Variants in B3GNT4 observed in about 807,000 individuals in gnomAD.
B3GNT4 encodes the protein N-acetyllactosaminide beta-1,3-N-acetylglucosaminyltransferase 4.
B3GNT4 carries 2 observed loss-of-function variants against 2.7 expected under a neutral mutation model. That is an observed-to-expected ratio of 0.73 (90% CI 0.30 to 2.31). B3GNT4 has a LOEUF of 2.31. B3GNT4 is among the 30% of genes most tolerant of loss of function. The pLI is 0.12. For missense variants in B3GNT4, 708 were observed against 490.9 expected, an observed-to-expected ratio of 1.44 and a Z score of -4.18; for synonymous variants, 280 against 203.4, an observed-to-expected ratio of 1.38 and a Z score of -3.20.
chr12:122,204,407 C>T lies in B3GNT4; in HGVS notation c.-97-115C>T, dbSNP rs926008475. ...GGGGACGCCCGCGGCGGGACAGGGG[C>T]CACCCGGGCCGCGGCGCAGCCTGGG... On this transcript the variant is annotated intron_variant, in intron 1 of 2. Transcript: ENST00000324189. The T allele has an allele frequency of 2.5e-4, 131 of 527,084 alleles. No individual in the cohort carries two copies. In the African/African-American group the frequency reaches 2.5e-3, roughly 10 times the overall value. The allele number at this position is 527,084 out of a possible 1,614,324, so 32.7% of individuals were successfully genotyped here.
Position 122,207,129 on chromosome 12 carries a change from C to G in B3GNT4, c.878C>G (p.Ala293Gly). ...AGAGCCACAGTGCGGCGCCTCCAGGCTATCATGGAAGATGCTGAACTCTTC... is the reference window on the plus strand; with the variant it reads ...AGAGCCACAGTGCGGCGCCTCCAGGGTATCATGGAAGATGCTGAACTCTTC... ...MSRATVRRLQ[A>G]IMEDAELFPI... Residue 293 changes from alanine (A) to glycine (G), a missense_variant, in exon 3 of 3, where the codon GCT (alanine) becomes GGT (glycine). By Grantham distance (60) the Ala-to-Gly change is moderately conservative. Transcript: ENST00000324189. 1.9e-6 allele frequency: 3 copies of G among 1,614,150 alleles called. No homozygotes were observed. The highest frequency in any genetic ancestry group is 2.2e-5 in the East Asian group (1 of 44,886).
In B3GNT4 at chr12:122,208,134, G is replaced by C. The variant is rs1458598036; in HGVS notation, c.*746G>C. 11 of 681,502 alleles carry C rather than the reference G, an allele frequency of 1.6e-5. No homozygotes were observed. Among genetic ancestry groups the C allele is most frequent in the Non-Finnish European group, 2.9e-5 (11 of 373,974 alleles). 42.2% of individuals were successfully genotyped at this position (681,502 alleles called of 1,614,324 possible). A position where few individuals can be genotyped will look rare whatever the true frequency, so the allele number is the denominator to read the frequency against. On this transcript the variant is annotated 3_prime_UTR_variant, in exon 3 of 3. Transcript: ENST00000324189. ...GGTGTGAGGTAAAAAAAATGGGTAA[G>C]AGCAGCTGTACAGAGTGGGGTGAAA... is the stretch of plus-strand genomic sequence containing the variant.
rs141914674 is a variant in B3GNT4, at chr12:122,206,466, G to T, written c.215G>T (p.Arg72Leu). 5 of 1,614,144 alleles carry T rather than the reference G, an allele frequency of 3.1e-6. No homozygotes were observed. Among genetic ancestry groups the T allele is most frequent in the Non-Finnish European group, 4.2e-6 (5 of 1,180,004 alleles). Residue 72 changes from arginine to leucine, a missense_variant, in exon 3 of 3, where the codon CGT becomes CTT. Arg to Leu is a moderately radical substitution (Grantham distance 102). Coordinates refer to ENST00000324189, the MANE Select transcript of B3GNT4 (RefSeq NM_030765.4). ...CCTTTCTGGGCTCCCCCAACACCCC[G>T]TCACAGCCGGTGTCCACCCAACCAC... ...HQPFWAPPTP[R>L]HSRCPPNHTV...
At position 122,207,362 on chromosome 12, in the gene B3GNT4, G is replaced by A. The variant is rs1386751220; in HGVS notation, c.1111G>A (p.Ala371Thr). Residue 371 changes from alanine to threonine, a missense_variant, in exon 3 of 3, where the codon GCA (alanine) becomes ACA (threonine). By Grantham distance (58) the Ala-to-Thr change is moderately conservative. Coordinates refer to ENST00000324189, the MANE Select transcript of B3GNT4 (RefSeq NM_030765.4). Reference sequence around the variant, plus strand: ...GGTGACAGATGAGGGGCTCAAGTGTGCAGCTGGCCCCATACCCCAGCGCTG... The same window carrying A: ...GGTGACAGATGAGGGGCTCAAGTGTACAGCTGGCCCCATACCCCAGCGCTG... The part of the protein sequence containing the change: ...ALVTDEGLKC[A>T]AGPIPQR 6.3e-7 allele frequency: 1 copy of A among 1,584,180 alleles called. No homozygotes were observed. Among genetic ancestry groups the A allele is most frequent in the Non-Finnish European group, 8.6e-7 (1 of 1,163,734 alleles).
rs767112200 is a variant in B3GNT4, at chr12:122,206,955, G to A, written c.704G>A (p.Trp235Ter). 3 of 1,613,048 alleles carry A rather than the reference G, an allele frequency of 1.9e-6. No homozygotes were observed. Among genetic ancestry groups the A allele is most frequent in the Non-Finnish European group, 2.5e-6 (3 of 1,179,024 alleles). ...AACGTGTTAGAGTTCCTGGATGGCT[G>A]GGACCCAGCCCAGGACCTCCTGGTG... Reference protein sequence around the residue: ...VPNVLEFLDGWDPAQDLLVGD... With the variant: ...VPNVLEFLDG Residue 235 changes from tryptophan (W) to a stop codon, truncating the protein, a stop_gained, in exon 3 of 3, where the codon TGG becomes TAG. Transcript: ENST00000324189. LOFTEE classifies it low-confidence loss of function (END_TRUNC).
In B3GNT4 at chr12:122,206,589, G is replaced by A. The variant is rs1485789681; in HGVS notation, c.338G>A (p.Gly113Asp). Reference protein sequence around the residue: ...RNFSILLEPSGCSKDTFLLLA... With the variant: ...RNFSILLEPSDCSKDTFLLLA... ...TTCTCTATCTTGCTGGAGCCTTCAG[G>A]CTGTTCCAAGGATACCTTCTTGCTC... Residue 113 changes from glycine (G) to aspartate (D), a missense_variant, in exon 3 of 3, where the codon GGC becomes GAC. Gly to Asp is a moderately conservative substitution (Grantham distance 94, BLOSUM62 -1). Transcript: ENST00000324189. 1.2e-6 allele frequency: 2 copies of A among 1,614,182 alleles called. No homozygotes were observed. Among genetic ancestry groups the A allele is most frequent in the East Asian group, 2.2e-5 (1 of 44,866 alleles).
Position 122,207,114 on chromosome 12 carries a change from T to C in B3GNT4, c.863T>C (p.Val288Ala). 1.2e-6 allele frequency: 2 copies of C among 1,614,124 alleles called. No individual in the cohort carries two copies. Among genetic ancestry groups the C allele is most frequent in the Non-Finnish European group, 8.5e-7 (1 of 1,180,014 alleles). The change falls in exon 3 of 3, where the codon GTG becomes GCG. Residue 288 changes from valine to alanine, a missense_variant. Physicochemically the swap from Val to Ala is moderately conservative, Grantham distance 64. Coordinates refer to ENST00000324189, the MANE Select transcript of B3GNT4 (RefSeq NM_030765.4). ...GGATATGTCATGTCCAGAGCCACAG[T>C]GCGGCGCCTCCAGGCTATCATGGAA... is the stretch of plus-strand genomic sequence containing the variant. ...GGGYVMSRATVRRLQAIMEDA... is the reference protein window; with the variant it reads ...GGGYVMSRATARRLQAIMEDA...
chr12:122,206,481 C>T lies in B3GNT4; in HGVS notation c.230C>T (p.Pro77Leu), dbSNP rs746456416. Residue 77 changes from proline (P) to leucine (L), a missense_variant, in exon 3 of 3, where the codon CCA (proline) becomes CTA (leucine). Physicochemically the swap from Pro to Leu is moderately conservative, Grantham distance 98. Coordinates refer to ENST00000324189, the MANE Select transcript of B3GNT4 (RefSeq NM_030765.4). ...APPTPRHSRCPPNHTVSSASL... is the reference protein window; with the variant it reads ...APPTPRHSRCLPNHTVSSASL... ...CCAACACCCCGTCACAGCCGGTGTC[C>T]ACCCAACCACACAGTGTCTAGCGCC... The T allele has an allele frequency of 6.2e-7, 1 of 1,614,194 alleles. No individual in the cohort carries two copies. The highest frequency in any genetic ancestry group is 1.7e-5 in the Admixed American group (1 of 60,030).
rs7136356 is a variant in B3GNT4, at chr12:122,204,634, C to G, written c.16C>G (p.Pro6Ala). The G allele has an allele frequency of 0.33, 522,406 of 1,597,542 alleles. 92,000 individuals are homozygous for G. The highest frequency in any genetic ancestry group is 0.67 in the East Asian group (29,848 of 44,592). Residue 6 changes from proline to alanine, a missense_variant, in exon 2 of 3, where the codon CCT (proline) becomes GCT (alanine). Transcript: ENST00000324189. MLPPQ[P>A]SAAHQGRGGR... The stretch of plus-strand genomic sequence containing the variant: ...GCTGCCGTTCATGCTTCCTCCCCAG[C>G]CTTCCGCAGCCCACCAGGGAAGGGG...
rs1953949944 is a variant in B3GNT4 at position 122,207,477 on chromosome 12, G to A, written c.*89G>A. The A allele has an allele frequency of 3.1e-6, 4 of 1,284,164 alleles. No individual in the cohort carries two copies. Among genetic ancestry groups the A allele is most frequent in the Admixed American group, 5.7e-5 (2 of 34,944 alleles). The allele number at this position is 1,284,164 out of a possible 1,614,324, so 79.5% of individuals were successfully genotyped here. On this transcript the variant is annotated 3_prime_UTR_variant, in exon 3 of 3. Coordinates refer to ENST00000324189, the MANE Select transcript of B3GNT4 (RefSeq NM_030765.4). ...TGATGCCTGCTGCTCTACAGAAAAT[G>A]CCAACTTGGTTTTTTAACTCCTCTC...
intron 2 of B3GNT4, 111 bp downstream of exon 2, chr12:122,204,795 T>G: frequency 1.1e-6 from 1 of 916,480 alleles, no homozygotes; most frequent in Non-Finnish European, 1.7e-6. Context: ...GTCCCAACGC[T>G]TTGGGAGGCC....
In B3GNT4 at chr12:122,206,477, T is replaced by C. The variant is rs1215663961; in HGVS notation, c.226T>C (p.Cys76Arg). The C allele has an allele frequency of 1.2e-6, 2 of 1,614,152 alleles. No individual in the cohort carries two copies. Among genetic ancestry groups the C allele is most frequent in the Non-Finnish European group, 1.7e-6 (2 of 1,180,024 alleles). Residue 76 changes from cysteine (C) to arginine (R), a missense_variant, in exon 3 of 3, where the codon TGT (cysteine) becomes CGT (arginine). Coordinates refer to ENST00000324189, the MANE Select transcript of B3GNT4 (RefSeq NM_030765.4). ...WAPPTPRHSR[C>R]PPNHTVSSAS... ...TCCCCCAACACCCCGTCACAGCCGG[T>C]GTCCACCCAACCACACAGTGTCTAG...
In B3GNT4 at chr12:122,208,227, C is replaced by T. The variant is rs759642078; in HGVS notation, c.*839C>T. On this transcript the variant is annotated 3_prime_UTR_variant, in exon 3 of 3. Coordinates refer to ENST00000324189, the MANE Select transcript of B3GNT4 (RefSeq NM_030765.4). ...AGCGCAAGCCTGAGACCACAGGAGG[C>T]ACTCACAGCTCACAAAGGCGTCTCG... 11 of 846,112 alleles carry T rather than the reference C, an allele frequency of 1.3e-5. No individual in the cohort carries two copies. The highest frequency in any genetic ancestry group is 1.9e-5 in the Non-Finnish European group (10 of 518,034). 52.4% of individuals were successfully genotyped at this position (846,112 alleles called of 1,614,324 possible).
At chr12:122,206,172 T>G (rs1316573104) in intron 2 of B3GNT4, 146 bp from the exon 3 acceptor site, 6 of 637,722 alleles carry the variant, frequency 9.4e-6, no homozygotes, top group African/African-American at 1.8e-5. Flanking sequence ...GAGGGAGGAC[T>G]CTGGAAAGAG....
rs775024311 is a variant in B3GNT4, at chr12:122,207,405, C to T, written c.*17C>T. On this transcript the variant is annotated 3_prime_UTR_variant, in exon 3 of 3. Transcript: ENST00000324189. ...CAGCGCTGAAGGGTGGGTTGGGCAA[C>T]AGCCTGAGAGTGGACTCAGTGTTGA... is the stretch of plus-strand genomic sequence containing the variant. 3 of 1,525,400 alleles carry T rather than the reference C, an allele frequency of 2.0e-6. No homozygotes were observed. The highest frequency in any genetic ancestry group is 1.3e-5 in the South Asian group (1 of 77,004). The allele number at this position is 1,525,400 out of a possible 1,614,324, so 94.5% of individuals were successfully genotyped here.
At position 122,204,517 on chromosome 12, in the gene B3GNT4, C is replaced by T. The variant is rs1051815295; in HGVS notation, c.-97-5C>T. ...CCGCCGCCCGCCCGGGCCTCTCGTC[C>T]ACAGCCCGCGGTGCTCGCACACCTG... On this transcript the variant is annotated splice_region_variant and splice_polypyrimidine_tract_variant and intron_variant, in intron 1 of 2. Coordinates refer to ENST00000324189, the MANE Select transcript of B3GNT4 (RefSeq NM_030765.4). 1 of 1,036,488 alleles carries T rather than the reference C, an allele frequency of 9.6e-7. No individual in the cohort carries two copies. The highest frequency in any genetic ancestry group is 1.5e-6 in the Non-Finnish European group (1 of 680,388). The allele number at this position is 1,036,488 out of a possible 1,614,324, so 64.2% of individuals were successfully genotyped here. A position where few individuals can be genotyped will look rare whatever the true frequency, so the allele number is the denominator to read the frequency against.
rs1393686903 is a variant in B3GNT4 at position 122,207,378 on chromosome 12, C to T, written c.1127C>T (p.Pro376Leu). The T allele has an allele frequency of 3.2e-6, 5 of 1,557,482 alleles. No homozygotes were observed. In the African/African-American group the frequency reaches 5.5e-5, roughly 17 times the overall value. Residue 376 changes from proline to leucine, a missense_variant, in exon 3 of 3, where the codon CCC becomes CTC. Pro to Leu is a moderately conservative substitution (Grantham distance 98). Transcript: ENST00000324189. ...EGLKCAAGPI[P>L]QR ...CTCAAGTGTGCAGCTGGCCCCATACCCCAGCGCTGAAGGGTGGGTTGGGCA... is the reference window on the plus strand; with the variant it reads ...CTCAAGTGTGCAGCTGGCCCCATACTCCAGCGCTGAAGGGTGGGTTGGGCA...
intron 1 of B3GNT4, 53 bp from the exon 2 acceptor site, chr12:122,204,469 T>G (rs1386732673): frequency 2.8e-6 from 2 of 715,392 alleles, no homozygotes; most frequent in Non-Finnish European, 5.0e-6. Flanking sequence ...CCACCTGCTG[T>G]GCGCCCTTCT....
In B3GNT4 at chr12:122,206,940, A is replaced by T. The variant is rs765268501; in HGVS notation, c.689A>T (p.Glu230Val). Residue 230 changes from glutamate to valine, a missense_variant, in exon 3 of 3, where the codon GAG becomes GTG. Glu to Val is a moderately radical substitution (Grantham distance 121, BLOSUM62 -2). Transcript: ENST00000324189. Reference sequence around the variant, plus strand: ...TTTGTCCACGTCCCCAACGTGTTAGAGTTCCTGGATGGCTGGGACCCAGCC... The same window carrying T: ...TTTGTCCACGTCCCCAACGTGTTAGTGTTCCTGGATGGCTGGGACCCAGCC... ...DVFVHVPNVL[E>V]FLDGWDPAQD... 6.2e-7 allele frequency: 1 copy of T among 1,614,110 alleles called. No homozygotes were observed. Among genetic ancestry groups the T allele is most frequent in the African/African-American group, 1.3e-5 (1 of 75,030 alleles).
Sources: allele counts gnomAD v4.1 joint callset, GRCh38; gene constraint gnomAD v4.1.1; transcripts MANE v1.5; gene names NCBI Gene and HGNC (gene_info 2026-07-23, HGNC 2026-07-21).